The following TRIM7 variants were observed in gnomAD, a reference collection of about 807,000 sequenced individuals.
TRIM7 encodes the protein E3 ubiquitin-protein ligase TRIM7.
In TRIM7, 32 loss-of-function variants were observed where a neutral mutation model predicts 37.9. The ratio of observed to expected loss-of-function variants is 0.84; its 90% CI spans 0.64 to 1.13. The LOEUF is 1.13. Among genes scored for constraint, TRIM7 ranks in the 50% most tolerant of loss-of-function variants. TRIM7 has a pLI of 0.00. For synonymous variants in TRIM7, 351 were observed against 321.3 expected (o/e 1.09, Z -0.99); for missense variants, 732 against 714.0 (o/e 1.03, Z -0.29).
In TRIM7 at chr5:181,195,525, A is replaced by T. The variant is rs968044659; in HGVS notation, c.1177T>A (p.Ser393Thr). 6 of 1,612,452 alleles carry T rather than the reference A, an allele frequency of 3.7e-6. No individual in the cohort carries two copies. The Admixed American group carries it at 8.3e-5, about 22-fold the overall frequency. ...ACCTCCCAGTGATGCCGGCCCGAGG[A>T]GAAGCCGCAGGACGCCAGGACGCGG... ...NTRVLASCGF[S>T]SGRHHWEVEV... The change falls in exon 7 of 7, where the codon TCC (serine) becomes ACC (threonine). Residue 393 changes from serine to threonine, a missense_variant. By Grantham distance (58) the Ser-to-Thr change is moderately conservative (BLOSUM62 1). Coordinates refer to ENST00000274773, the MANE Select transcript of TRIM7 (RefSeq NM_203293.3).
intron 5 of TRIM7, 76 bp downstream of exon 5, chr5:181,198,614 C>G (rs1221848186): frequency 2.9e-6 from 3 of 1,020,042 alleles, no homozygotes; most frequent in Non-Finnish European, 4.6e-6. Flanking sequence ...GAAAGCACAC[C>G]CAGGGACCCC....
Position 181,194,869 on chromosome 5 carries a change from C to T in TRIM7, c.*297G>A, listed in dbSNP as rs1011092590. 3.2e-5 allele frequency: 11 copies of T among 344,198 alleles called. No homozygotes were observed. In the South Asian group the frequency reaches 8.2e-4, roughly 26 times the overall value. 21.3% of individuals were successfully genotyped at this position (344,198 alleles called of 1,614,324 possible). On this transcript the variant is annotated 3_prime_UTR_variant, in exon 7 of 7. Transcript: ENST00000274773. ...AGCCAGGCACCCTTCCCAGTCAGGG[C>T]AGAAGCCCCCTGGAGAGCTGGGCTC...
chr5:181,196,006 G>A (rs1186883182), intron 6 of TRIM7: 1 of 305,006 alleles, frequency 3.3e-6, no homozygotes, highest in African/African-American at 2.1e-5. Context: ...CTGCTTTGTG[G>A]TTATGTTTTA....
intron 3 of TRIM7, 148 bp downstream of exon 3, chr5:181,199,703 C>A: frequency 7.4e-7 from 1 of 1,349,576 alleles, no homozygotes. Flanking sequence ...ACCTCCAACC[C>A]CAGGAAAATC....
In TRIM7 at chr5:181,195,340, G is replaced by A; in HGVS notation, c.1362C>T (p.Ser454=). Residue 454 remains serine (S), a synonymous_variant, in exon 7 of 7, where the codon AGC becomes AGT. Transcript: ENST00000274773. ...AVTSPERSPL[S]CGHLSRVRVA... Reference sequence around the variant, plus strand: ...CCCGCACGCGCGACAGGTGCCCGCAGCTGAGGGGCGACCGCTCGGGGCTGG... The same window carrying A: ...CCCGCACGCGCGACAGGTGCCCGCAACTGAGGGGCGACCGCTCGGGGCTGG... 6.3e-7 allele frequency: 1 copy of A among 1,585,640 alleles called. No individual in the cohort carries two copies. The highest frequency in any genetic ancestry group is 8.6e-7 in the Non-Finnish European group (1 of 1,166,404).
In TRIM7 at chr5:181,204,634, G is replaced by T. The variant is rs912613548; in HGVS notation, c.477C>A (p.Arg159=). ...CGTCCAGCGGCAGCACGGCGTGCTC[G>T]CGGTGCTCGCGGGCGCGGTCGCACA... ...CVVCDRAREH[R]EHAVLPLDEA... Residue 159 remains arginine, a synonymous_variant, in exon 1 of 7, where the codon CGC becomes CGA. Transcript: ENST00000274773. The T allele has an allele frequency of 6.7e-6, 10 of 1,483,240 alleles. No homozygotes were observed. The highest frequency in any genetic ancestry group is 7.1e-6 in the Non-Finnish European group (8 of 1,129,302). The allele number at this position is 1,483,240 out of a possible 1,614,324, so 91.9% of individuals were successfully genotyped here. A position where few individuals can be genotyped will look rare whatever the true frequency, so the allele number is the denominator to read the frequency against.
chr5:181,204,581 G>A lies in TRIM7; in HGVS notation c.522+8C>T, dbSNP rs565491429. On this transcript the variant is annotated splice_region_variant and intron_variant, in intron 1 of 6. Transcript: ENST00000274773. ...GGGACCCACGGGGTGGGTGGGGGCT[G>A]CGCTCACCTTGGCCTCCTGCACCGC... 1.4e-6 allele frequency: 2 copies of A among 1,395,152 alleles called. No homozygotes were observed. Among genetic ancestry groups the A allele is most frequent in the Admixed American group, 3.1e-5 (1 of 32,676 alleles). The allele number at this position is 1,395,152 out of a possible 1,614,324, so 86.4% of individuals were successfully genotyped here. A position where few individuals can be genotyped will look rare whatever the true frequency, so the allele number is the denominator to read the frequency against.
intron 2 of TRIM7, chr5:181,200,594 T>G: frequency 1.0e-6 from 1 of 1,001,446 alleles, no homozygotes; most frequent in Non-Finnish European, 1.2e-6. Flanking sequence ...TGTAGGAAAG[T>G]AGAAAGAAGG....
chr5:181,201,840 CTG>C (rs1225564605), intron 2 of TRIM7, among the ~76,000 whole-genome samples: 1 of 152,190 alleles, frequency 6.6e-6, no homozygotes, highest in Admixed American at 6.5e-5. Context: ...CGGTCAGAGA[CTG>C]TGAAGCTGCC....
intron 6 of TRIM7, chr5:181,197,872 A>G: frequency 2.3e-6 from 1 of 440,588 alleles, no homozygotes; most frequent in South Asian, 3.0e-5. Flanking sequence ...AGAGGTTTCC[A>G]TCCATCTTGG....
At position 181,203,583 on chromosome 5, in the gene TRIM7, A is replaced by T; in HGVS notation, c.580T>A (p.Phe194Ile). ...LKKELEDCEV[F>I]RSTEKKESKE... ...CTCTCCTTCTTTTCCGTGGACCGGA[A>T]CACCTCACAGTCCTCCAGTTCCTTC... Residue 194 changes from phenylalanine to isoleucine, a missense_variant, in exon 2 of 7, where the codon TTC becomes ATC. Coordinates refer to ENST00000274773, the MANE Select transcript of TRIM7 (RefSeq NM_203293.3). 1 of 1,614,080 alleles carries T rather than the reference A, an allele frequency of 6.2e-7. No individual in the cohort carries two copies. Among genetic ancestry groups the T allele is most frequent in the Non-Finnish European group, 8.5e-7 (1 of 1,180,008 alleles).
rs1474397814 is a variant in TRIM7, at chr5:181,203,617, C to T, written c.546G>A (p.Arg182=). The T allele has an allele frequency of 6.2e-7, 1 of 1,613,158 alleles. No individual in the cohort carries two copies. Among genetic ancestry groups the T allele is most frequent in the Non-Finnish European group, 8.5e-7 (1 of 1,179,738 alleles). The change falls in exon 2 of 7, where the codon AGG becomes AGA. Residue 182 remains arginine, a synonymous_variant. Coordinates refer to ENST00000274773, the MANE Select transcript of TRIM7 (RefSeq NM_203293.3). ...EAKELLESRL[R]VLKKELEDCE... is the part of the protein sequence containing the mutation. Reference sequence around the variant, plus strand: ...AGTCCTCCAGTTCCTTCTTCAAGACCCTCAGCCTGGACTCCAAGAGCTCCT... The same window carrying T: ...AGTCCTCCAGTTCCTTCTTCAAGACTCTCAGCCTGGACTCCAAGAGCTCCT...
In TRIM7 at chr5:181,204,999, C is replaced by A; in HGVS notation, c.112G>T (p.Glu38Ter). 1 of 1,488,118 alleles carries A rather than the reference C, an allele frequency of 6.7e-7. No homozygotes were observed. The highest frequency in any genetic ancestry group is 2.9e-5 in the East Asian group (1 of 34,566). 92.2% of individuals were successfully genotyped at this position (1,488,118 alleles called of 1,614,324 possible). The change falls in exon 1 of 7, where the codon GAG becomes TAG. Residue 38 changes from glutamate to a stop codon, truncating the protein, a stop_gained. Transcript: ENST00000274773. LOFTEE classifies it high-confidence loss of function. Reference protein sequence around the residue: ...TCSICLELFREPVSVECGHSF... With the variant: ...TCSICLELFR ...TGGCCGCACTCGACGGACACCGGCTCACGAAAGAGCTCTAGGCAGATGGAG... is the reference window on the plus strand; with the variant it reads ...TGGCCGCACTCGACGGACACCGGCTAACGAAAGAGCTCTAGGCAGATGGAG...
In TRIM7 at chr5:181,195,455, T is replaced by TCG; in HGVS notation, c.1245_1246dup (p.Glu416AlafsTer9). 6.2e-7 allele frequency: 1 copy of TCG among 1,611,080 alleles called. No homozygotes were observed. Among genetic ancestry groups the TCG allele is most frequent in the East Asian group, 2.2e-5 (1 of 44,800 alleles). On this transcript the variant is annotated frameshift_variant, in exon 7 of 7. Transcript: ENST00000274773. LOFTEE classifies it low-confidence loss of function (END_TRUNC). The stretch of plus-strand genomic sequence containing the variant: ...CGTCAGGCCCTTTCGGCGCACGCTC[T>TCG]CGCGGGCCACGCCAAAGGCCCAGCC...
At chr5:181,200,327 T>C (rs1757403948) in intron 2 of TRIM7, 1 of 1,428,362 alleles carries the variant, frequency 7.0e-7, no homozygotes. Flanking sequence ...GGACCTGTGC[T>C]CCATCACCTA....
At position 181,203,579 on chromosome 5, in the gene TRIM7, C is replaced by A. The variant is rs1757640821; in HGVS notation, c.584G>T (p.Arg195Leu). Reference protein sequence around the residue: ...KKELEDCEVFRSTEKKESKEL... With the variant: ...KKELEDCEVFLSTEKKESKEL... ...CTTGCTCTCCTTCTTTTCCGTGGACCGGAACACCTCACAGTCCTCCAGTTC... is the reference window on the plus strand; with the variant it reads ...CTTGCTCTCCTTCTTTTCCGTGGACAGGAACACCTCACAGTCCTCCAGTTC... Residue 195 changes from arginine to leucine, a missense_variant, in exon 2 of 7, where the codon CGG (arginine) becomes CTG (leucine). Transcript: ENST00000274773. 1 of 1,613,990 alleles carries A rather than the reference C, an allele frequency of 6.2e-7. No homozygotes were observed. Among genetic ancestry groups the A allele is most frequent in the African/African-American group, 1.3e-5 (1 of 74,882 alleles).
Position 181,194,284 on chromosome 5 carries a change from A to G in TRIM7, c.*882T>C, listed in dbSNP as rs1294877011. ...TCGGGTACAGCGGCTCACACCTGTA[A>G]TCCCAGCTCTTAGGGAGATGGAAAC... is the stretch of plus-strand genomic sequence containing the variant. On this transcript the variant is annotated 3_prime_UTR_variant, in exon 7 of 7. Transcript: ENST00000274773. 6.6e-6 allele frequency: 1 copy of G among 152,294 alleles called. No individual in the cohort carries two copies. The highest frequency in any genetic ancestry group is 1.9e-4 in the East Asian group (1 of 5,208). The allele number at this position is 152,294 out of a possible 1,614,324, so 9.4% of individuals were successfully genotyped here. A position where few individuals can be genotyped will look rare whatever the true frequency, so the allele number is the denominator to read the frequency against.
rs1441297441 is a variant in TRIM7 at position 181,195,284 on chromosome 5, G to A, written c.1418C>T (p.Ser473Phe). 3 of 1,607,118 alleles carry A rather than the reference G, an allele frequency of 1.9e-6. No homozygotes were observed. The highest frequency in any genetic ancestry group is 1.7e-5 in the Admixed American group (1 of 58,928). The change falls in exon 7 of 7, where the codon TCC becomes TTC. Residue 473 changes from serine to phenylalanine, a missense_variant. Physicochemically the swap from Ser to Phe is radical, Grantham distance 155. Transcript: ENST00000274773. Reference sequence around the variant, plus strand: ...GCGCATGTCCTCCACAGCGTAGAAGGACACGGCTCCCACCTCCAGGTCCAG... The same window carrying A: ...GCGCATGTCCTCCACAGCGTAGAAGAACACGGCTCCCACCTCCAGGTCCAG... ...VALDLEVGAV[S>F]FYAVEDMRHL... is the part of the protein sequence containing the mutation.
At position 181,203,602 on chromosome 5, in the gene TRIM7, T is replaced by C. The variant is rs758983406; in HGVS notation, c.561A>G (p.Glu187=). 12 of 1,613,924 alleles carry C rather than the reference T, an allele frequency of 7.4e-6. No individual in the cohort carries two copies. Among genetic ancestry groups the C allele is most frequent in the Non-Finnish European group, 1.0e-5 (12 of 1,179,950 alleles). ...LESRLRVLKK[E]LEDCEVFRST... Reference sequence around the variant, plus strand: ...ACCGGAACACCTCACAGTCCTCCAGTTCCTTCTTCAAGACCCTCAGCCTGG... The same window carrying C: ...ACCGGAACACCTCACAGTCCTCCAGCTCCTTCTTCAAGACCCTCAGCCTGG... Residue 187 remains glutamate, a synonymous_variant, in exon 2 of 7, where the codon GAA becomes GAG. Transcript: ENST00000274773.
Sources: gnomAD v4.1 joint callset for allele counts (sites outside exome capture counted in the v4.1 genomes callset) on GRCh38, gnomAD v4.1.1 for gene constraint, MANE v1.5 for transcripts, NCBI Gene and HGNC (gene_info 2026-07-23, HGNC 2026-07-21) for gene names.